GSE1: variants seen among roughly 807,000 people sequenced by gnomAD.
GSE1 encodes genetic suppressor element 1.
GSE1 carries 32 observed loss-of-function variants against 112.6 expected under a neutral mutation model. The observed-to-expected ratio is 0.28, with a 90% CI of 0.21 to 0.38. The LOEUF (loss-of-function observed/expected upper bound fraction) is 0.38. Ranked by LOEUF, GSE1 falls within the 10% of genes least tolerant of loss-of-function variation. The pLI is 1.00. For missense variants in GSE1, 2,348 were observed against 1,699.2 expected, an observed-to-expected ratio of 1.38 and a Z score of -6.71; for synonymous variants, 1,115 against 735.6, an observed-to-expected ratio of 1.52 and a Z score of -8.35.
Position 85,279,713 on chromosome 16 carries a change from CTGAGCACCTGAGCCCGTAAGCCT to C in GSE1, c.2284-77747_2284-77725del, listed in dbSNP as rs2044798987. 2.0e-5 allele frequency among the ~76,000 whole-genome samples: 3 copies of C among 152,170 alleles called. No homozygotes were observed. In the South Asian group the frequency reaches 6.2e-4, roughly 32 times the overall value. ...TGCCCGGCCTGCTCCATGGGGCCTC[CTGAGCACCTGAGCCCGTAAGCCT>C]TGTGTCATTATGGGAGGCGGTGTTT... On this transcript the variant is annotated intron_variant, in intron 1 of 2. Transcript: ENST00000637419.
intron 1 of GSE1, among the ~76,000 whole-genome samples, chr16:85,345,321 T>G (rs753834090): frequency 1.3e-5 from 2 of 152,250 alleles, no homozygotes; most frequent in Non-Finnish European, 2.9e-5. Flanking sequence ...CATGTTCATT[T>G]AGGTATTGTC....
At chr16:85,548,992 T>C (rs1210901057) in intron 2 of GSE1, among the ~76,000 whole-genome samples, 3 of 152,088 alleles carry the variant, frequency 2.0e-5, no homozygotes, top group African/African-American at 7.2e-5. Flanking sequence ...GTTTCACCAT[T>C]TGGCCAGGAT....
intron 1 of GSE1, among the ~76,000 whole-genome samples, chr16:85,349,300 A>T (rs996657292): frequency 3.9e-5 from 6 of 152,122 alleles, no homozygotes; most frequent in Non-Finnish European, 8.8e-5. Flanking sequence ...CAGGGAATTA[A>T]GGGGCGTAAA....
intron 1 of GSE1, among the ~76,000 whole-genome samples, chr16:85,176,002 GT>G (rs1176024485): frequency 6.6e-6 from 1 of 151,992 alleles, no homozygotes; most frequent in African/African-American, 2.4e-5. Flanking sequence ...CTTTTCTTTT[GT>G]TTTGAGACAG....
At chr16:85,491,395 G>A (rs1156358527) in intron 2 of GSE1, among the ~76,000 whole-genome samples, 4 of 152,222 alleles carry the variant, frequency 2.6e-5, no homozygotes, top group East Asian at 1.9e-4. Flanking sequence ...GAGAGGTGGG[G>A]TGTTGGAAGA....
chr16:85,610,024 A>G (rs2047896146), upstream of GSE1, among the ~76,000 whole-genome samples: 1 of 152,188 alleles, frequency 6.6e-6, no homozygotes, highest in Non-Finnish European at 1.5e-5. Flanking sequence ...TTGTGGAGGT[A>G]GGGCTAGAGT....
intron 2 of GSE1, among the ~76,000 whole-genome samples, chr16:85,423,776 A>T (rs2048906020): frequency 6.6e-6 from 1 of 152,090 alleles, no homozygotes; most frequent in African/African-American, 2.4e-5. Flanking sequence ...TCTCCCACCC[A>T]CCGCTGCACT....
At chr16:85,365,156 G>A (rs1484146070) in intron 2 of GSE1, among the ~76,000 whole-genome samples, 2 of 152,200 alleles carry the variant, frequency 1.3e-5, no homozygotes, top group African/African-American at 4.8e-5. Context: ...GAGCTCCTCT[G>A]GGACAGGGCT....
chr16:85,366,659 T>C (rs2047191937), intron 2 of GSE1, among the ~76,000 whole-genome samples: 1 of 152,298 alleles, frequency 6.6e-6, no homozygotes, highest in Admixed American at 6.5e-5. Flanking sequence ...TAGACTGGGA[T>C]CTGGTTTCCC....
chr16:85,576,073 C>T (rs758531129), intron 1 of GSE1, among the ~76,000 whole-genome samples: 1 of 152,024 alleles, frequency 6.6e-6, no homozygotes, highest in Non-Finnish European at 1.5e-5. Context: ...GGCCAGAGGC[C>T]CACAGGAGCA....
intron 1 of GSE1, among the ~76,000 whole-genome samples, chr16:85,618,288 C>T (rs1282118482): frequency 6.6e-6 from 1 of 152,140 alleles, no homozygotes; most frequent in Non-Finnish European, 1.5e-5. Context: ...ATGTTCTCAT[C>T]TGTAAGACGA....
intron 1 of GSE1, among the ~76,000 whole-genome samples, chr16:85,613,868 G>T (rs931402555): frequency 3.4e-5 from 5 of 148,670 alleles, no homozygotes; most frequent in African/African-American, 9.9e-5. Context: ...GTGGGGGGGG[G>T]GGGTGCTCGC....
At chr16:85,299,072 G>A (rs1232277740) in intron 1 of GSE1, among the ~76,000 whole-genome samples, 4 of 152,356 alleles carry the variant, frequency 2.6e-5, no homozygotes, top group African/African-American at 4.8e-5. Flanking sequence ...TCTGTGGGGC[G>A]TGGCCCTCTG....
chr16:85,672,371 G>A lies in GSE1; in HGVS notation c.3520-34G>A, dbSNP rs774945541. ...ACATGCTTGTCCTTACAGAGGAAAC[G>A]GGTTGGTTTTGACACAAATTTCCCT... On this transcript the variant is annotated intron_variant, in intron 15 of 15. Coordinates refer to ENST00000253458, the MANE Select transcript of GSE1 (RefSeq NM_014615.5). 65 of 1,564,130 alleles carry A rather than the reference G, an allele frequency of 4.2e-5. No individual in the cohort carries two copies. The South Asian group carries it at 4.7e-4, about 11-fold the overall frequency.
At chr16:85,627,951 C>T (rs1284720289) in intron 1 of GSE1, among the ~76,000 whole-genome samples, 4 of 152,328 alleles carry the variant, frequency 2.6e-5, no homozygotes, top group South Asian at 2.1e-4. Flanking sequence ...AGGCCCGCAT[C>T]GGTCTCCCTG....
chr16:85,510,830 G>T (rs2151932011), intron 2 of GSE1, among the ~76,000 whole-genome samples: 1 of 152,292 alleles, frequency 6.6e-6, no homozygotes, highest in African/African-American at 2.4e-5. Context: ...CCAGCCTCAG[G>T]GCCTCTGCAC....
At chr16:85,480,313 G>A (rs2050631159) in intron 2 of GSE1, among the ~76,000 whole-genome samples, 1 of 152,246 alleles carries the variant, frequency 6.6e-6, no homozygotes, top group African/African-American at 2.4e-5. Flanking sequence ...ATTGGGTGAG[G>A]CGGGACTGGG....
In GSE1 at chr16:85,461,696, G is replaced by A. The variant is rs545660619; in HGVS notation, c.2464+104053G>A. Among the ~76,000 whole-genome samples the A allele has an allele frequency of 2.2e-3, 333 of 152,266 alleles. 2 individuals carry two copies. The highest frequency in any genetic ancestry group is 7.6e-3 in the African/African-American group (315 of 41,542). The stretch of plus-strand genomic sequence containing the variant: ...CACCTGGAATTCTCAGGCTGCAGTC[G>A]GTGGGCTGGGATAGCCATAATCCCC... On this transcript the variant is annotated intron_variant, in intron 2 of 2. Coordinates refer to the GSE1 transcript ENST00000637419.
At chr16:85,288,529 G>A (rs1345618121) in intron 1 of GSE1, among the ~76,000 whole-genome samples, 1 of 152,250 alleles carries the variant, frequency 6.6e-6, no homozygotes, top group South Asian at 2.1e-4. Flanking sequence ...AGCCCGCTGT[G>A]TGTGGCAGTG....
Sources: gnomAD v4.1 joint callset for allele counts (sites outside exome capture counted in the v4.1 genomes callset) on GRCh38, gnomAD v4.1.1 for gene constraint, MANE v1.5 for transcripts, NCBI Gene and HGNC (gene_info 2026-07-23, HGNC 2026-07-21) for gene names.